MAPK6: variants seen among roughly 807,000 people sequenced by gnomAD.
The protein encoded by MAPK6 is ERK-3.
Under a neutral mutation model 59.3 loss-of-function variants are expected in MAPK6, and 19 were observed. The ratio of observed to expected loss-of-function variants is 0.32; its 90% CI spans 0.22 to 0.47. The LOEUF (loss-of-function observed/expected upper bound fraction) is 0.47. Among genes scored for constraint, MAPK6 ranks in the 20% least tolerant of loss-of-function variants. MAPK6 has a pLI of 1.00. For synonymous variants in MAPK6, 316 were observed against 290.3 expected (o/e 1.09, Z -0.90); for missense variants, 724 against 847.9 (o/e 0.85, Z 1.81).
intron 1 of MAPK6, among the ~76,000 whole-genome samples, chr15:51,978,861 C>T (rs755921054): frequency 5.3e-5 from 8 of 151,658 alleles, no homozygotes; most frequent in Admixed American, 2.0e-4. Flanking sequence ...TGGTTCACAC[C>T]GATAACCCCA....
intron 2 of MAPK6, among the ~76,000 whole-genome samples, chr15:52,001,423 TG>T (rs1435752120): frequency 6.6e-6 from 1 of 152,220 alleles, no homozygotes; most frequent in African/African-American, 2.4e-5. Context: ...TCTATCCTTT[TG>T]CTAGTACCAC....
chr15:52,048,886 ACGTCCACAG>A (rs1413159427), intron 2 of MAPK6, among the ~76,000 whole-genome samples: 7 of 151,298 alleles, frequency 4.6e-5, no homozygotes, highest in Non-Finnish European at 1.5e-5. Flanking sequence ...TACACTGACG[ACGTCCACAG>A]TGAAATATTG....
chr15:52,023,596 C>G (rs2030630910), intron 1 of MAPK6, among the ~76,000 whole-genome samples: 1 of 152,158 alleles, frequency 6.6e-6, no homozygotes, highest in Non-Finnish European at 1.5e-5. Flanking sequence ...GTGTGTCTCT[C>G]TAAGAGTTTT....
chr15:52,050,833 A>G (rs2031754530), intron 3 of MAPK6, among the ~76,000 whole-genome samples: 1 of 152,216 alleles, frequency 6.6e-6, no homozygotes, highest in Non-Finnish European at 1.5e-5. Context: ...AGCCTGGTGC[A>G]TTCATGAATC....
At chr15:51,985,291 C>G (rs2057187235) in intron 2 of MAPK6, among the ~76,000 whole-genome samples, 1 of 149,718 alleles carries the variant, frequency 6.7e-6, no homozygotes, top group African/African-American at 2.5e-5. Flanking sequence ...TACCATGAGC[C>G]ACAATCACAC....
rs2032404069 is a variant in MAPK6, at chr15:52,065,876, A to G, written c.*876A>G. The G allele has an allele frequency of 1.3e-5, 2 of 152,658 alleles. No individual in the cohort carries two copies. The highest frequency in any genetic ancestry group is 1.3e-4 in the Admixed American group (2 of 15,274). 9.5% of individuals were successfully genotyped at this position (152,658 alleles called of 1,614,324 possible). ...TTTAAGTAACGTGCTCACTGTGTAT[A>G]GGAATTTGTATTTTGGAGGTGCTTG... is the stretch of plus-strand genomic sequence containing the variant. On this transcript the variant is annotated 3_prime_UTR_variant, in exon 6 of 6. Transcript: ENST00000261845.
In MAPK6 at chr15:52,064,991, T is replaced by A; in HGVS notation, c.2157T>A (p.His719Gln). 1 of 1,605,308 alleles carries A rather than the reference T, an allele frequency of 6.2e-7. No homozygotes were observed. Among genetic ancestry groups the A allele is most frequent in the Non-Finnish European group, 8.5e-7 (1 of 1,174,704 alleles). The change falls in exon 6 of 6, where the codon CAT becomes CAA. Residue 719 changes from histidine (H) to glutamine (Q), a missense_variant. This residue lies in a region of MAPK6 where 502 missense variants were observed against 507.6 expected (regional missense o/e 0.99). Coordinates refer to ENST00000261845, the MANE Select transcript of MAPK6 (RefSeq NM_002748.4). ...AAACATACAGCAGCATTCTGAAACA[T>A]CTGAACTAAAACACTCAGCAGACAT... Reference protein sequence around the residue: ...PHQTYSSILKHLN With the variant: ...PHQTYSSILKQLN
At position 52,032,625 on chromosome 15, in the gene MAPK6, A is replaced by G. The variant is rs369041730; in HGVS notation, c.-631-13205A>G. ...TTCATCCTAAAAGACTTCTTTTAGC[A>G]TTTCTTGAAGTGAAAGTCTGCTGGA... is the stretch of plus-strand genomic sequence containing the variant. On this transcript the variant is annotated intron_variant, in intron 1 of 5. Coordinates refer to ENST00000261845, the MANE Select transcript of MAPK6 (RefSeq NM_002748.4). Among the ~76,000 whole-genome samples the G allele has an allele frequency of 2.7e-4, 41 of 152,126 alleles. No homozygotes were observed. The South Asian group carries it at 8.1e-3, about 30-fold the overall frequency.
intron 1 of MAPK6, among the ~76,000 whole-genome samples, chr15:52,022,051 C>T (rs1003685067): frequency 6.6e-6 from 1 of 152,120 alleles, no homozygotes; most frequent in Admixed American, 6.5e-5. Flanking sequence ...GGGCTGGGTG[C>T]GTTGGCTCAC....
intron 3 of MAPK6, among the ~76,000 whole-genome samples, chr15:52,009,231 G>A (rs140718345): frequency 4.6e-5 from 7 of 152,206 alleles, no homozygotes; most frequent in East Asian, 1.9e-4. Flanking sequence ...ACAAACATCC[G>A]GTCTATTCTT....
At chr15:52,061,815 A>G (rs923655567) in intron 5 of MAPK6, among the ~76,000 whole-genome samples, 2 of 152,292 alleles carry the variant, frequency 1.3e-5, no homozygotes, top group Middle Eastern at 3.4e-3. Context: ...ATATCTATAA[A>G]TAGCCGTTAA....
At chr15:52,015,739 C>T (rs1009961498), upstream of MAPK6, among the ~76,000 whole-genome samples, 8 of 149,222 alleles carry the variant, frequency 5.4e-5, no homozygotes, top group Admixed American at 1.3e-4. Context: ...GGCGTGAGTC[C>T]GCGCCCAGCC....
At position 52,066,892 on chromosome 15, in the gene MAPK6, A is replaced by G. The variant is rs1027289271; in HGVS notation, c.*1892A>G. The G allele has an allele frequency of 2.0e-5, 3 of 152,054 alleles. No homozygotes were observed. The highest frequency in any genetic ancestry group is 7.2e-5 in the African/African-American group (3 of 41,406). 9.4% of individuals were successfully genotyped at this position (152,054 alleles called of 1,614,324 possible). On this transcript the variant is annotated 3_prime_UTR_variant, in exon 6 of 6. Coordinates refer to ENST00000261845, the MANE Select transcript of MAPK6 (RefSeq NM_002748.4). ...AGAGGACAAGCTCTGAAGTGCAGTC[A>G]TGAGAATTGATTTGTGGGGAAAAAA...
At chr15:52,044,306 A>G (rs925301877) in intron 1 of MAPK6, among the ~76,000 whole-genome samples, 4 of 152,200 alleles carry the variant, frequency 2.6e-5, no homozygotes, top group Non-Finnish European at 5.9e-5. Flanking sequence ...AAGCAGATAC[A>G]AGACCCGTTC....
intron 1 of MAPK6, 146 bp downstream of exon 1, chr15:52,019,522 C>A: frequency 6.8e-6 from 1 of 147,022 alleles, no homozygotes; most frequent in South Asian, 1.8e-4. Flanking sequence ...GGCTGCCGCT[C>A]AACAAAGGCG....
chr15:52,044,041 TG>T (rs1223408224), intron 1 of MAPK6, among the ~76,000 whole-genome samples: 1 of 152,196 alleles, frequency 6.6e-6, no homozygotes, highest in Non-Finnish European at 1.5e-5. Flanking sequence ...CCCAAAGTGT[TG>T]GGATTACAGG....
At chr15:52,049,933 A>G in intron 2 of MAPK6, 60 bp from the exon 3 acceptor site, 1 of 1,440,568 alleles carries the variant, frequency 6.9e-7, no homozygotes, top group Non-Finnish European at 9.7e-7. Context: ...TCTTTAATCA[A>G]GTTGTAAGTA....
intron 1 of MAPK6, among the ~76,000 whole-genome samples, chr15:52,043,928 A>G (rs2031516548): frequency 6.6e-6 from 1 of 151,442 alleles, no homozygotes; most frequent in Admixed American, 6.6e-5. Flanking sequence ...GGCATGCGCC[A>G]CCACGCCTGG....
intron 1 of MAPK6, among the ~76,000 whole-genome samples, chr15:52,036,679 C>G (rs2031251382): frequency 6.6e-6 from 1 of 152,220 alleles, no homozygotes; most frequent in South Asian, 2.1e-4. Flanking sequence ...TAGTGAAAGA[C>G]TGGACTCTTT....
Sources: gnomAD v4.1 joint callset for allele counts (sites outside exome capture counted in the v4.1 genomes callset) on GRCh38, gnomAD v4.1.1 for gene constraint, gnomAD v4.1.1 regional missense constraint, MANE v1.5 for transcripts, NCBI Gene and HGNC (gene_info 2026-07-23, HGNC 2026-07-21) for gene names.